The following CMIP variants were observed in gnomAD, a reference collection of about 807,000 sequenced individuals.
The protein encoded by CMIP is c-Maf inducing protein, also known as C-Maf-inducing protein.
Under a neutral mutation model 97.3 loss-of-function variants are expected in CMIP, and 13 were observed. The ratio of observed to expected loss-of-function variants is 0.13; its 90% CI spans 0.09 to 0.21. CMIP has a LOEUF of 0.21. Ranked by LOEUF, CMIP falls within the 10% of genes least tolerant of loss-of-function variation. The probability of loss-of-function intolerance (pLI) is 1.00; values close to 1 mark genes in which losing one functional copy is unlikely to be tolerated. For synonymous variants in CMIP, 538 were observed against 436.3 expected, an observed-to-expected ratio of 1.23 and a Z score of -2.91; for missense variants, 847 against 1,024.9, an observed-to-expected ratio of 0.83 and a Z score of 2.37.
chr16:81,646,120 ATGGATGGGTGGGTGGG>A, intron 3 of CMIP, among the ~76,000 whole-genome samples: 3 of 144,688 alleles, frequency 2.1e-5, no homozygotes, highest in Admixed American at 2.0e-4. Flanking sequence ...TGGGTGAAGG[ATGGATGGGTGGGTGGG>A]TGGATAGTTG....
intron 1 of CMIP, among the ~76,000 whole-genome samples, chr16:81,488,788 A>G (rs2089360988): frequency 1.3e-5 from 2 of 152,166 alleles, no homozygotes; most frequent in Non-Finnish European, 2.9e-5. Flanking sequence ...GCTGTTCTGC[A>G]GGCCCAGTGT....
intron 2 of CMIP, among the ~76,000 whole-genome samples, chr16:81,615,683 G>A (rs945071637): frequency 2.0e-5 from 3 of 149,800 alleles, no homozygotes; most frequent in Non-Finnish European, 4.5e-5. Context: ...TGTGTGTGTG[G>A]TGTATGTGTC....
At chr16:81,641,175 C>T (rs866672846) in intron 3 of CMIP, among the ~76,000 whole-genome samples, 5 of 152,138 alleles carry the variant, frequency 3.3e-5, no homozygotes, top group African/African-American at 1.2e-4. Flanking sequence ...CCTGTGCACA[C>T]GAATGAGAGT....
chr16:81,491,778 G>T (rs2089409830), intron 1 of CMIP, among the ~76,000 whole-genome samples: 2 of 152,182 alleles, frequency 1.3e-5, no homozygotes, highest in Non-Finnish European at 2.9e-5. Context: ...AGGATTGCTT[G>T]TATCGATTTT....
intron 1 of CMIP, among the ~76,000 whole-genome samples, chr16:81,549,470 C>A (rs943430964): frequency 6.6e-6 from 1 of 152,068 alleles, no homozygotes; most frequent in Non-Finnish European, 1.5e-5. Context: ...CCTTGCTAGC[C>A]CTGGAGTGCT....
intron 1 of CMIP, among the ~76,000 whole-genome samples, chr16:81,604,966 A>G (rs2091717927): frequency 6.6e-6 from 1 of 152,212 alleles, no homozygotes; most frequent in African/African-American, 2.4e-5. Context: ...CCATTTAGGC[A>G]TATGAAACAG....
chr16:81,645,325 A>G, intron 3 of CMIP: 1 of 1,345,866 alleles, frequency 7.4e-7, no homozygotes, highest in Non-Finnish European at 9.7e-7. Context: ...TCCTCTCTTC[A>G]CGACAGGTGG....
At chr16:81,633,921 T>C (rs1473630103) in intron 3 of CMIP, among the ~76,000 whole-genome samples, 2 of 152,238 alleles carry the variant, frequency 1.3e-5, no homozygotes, top group Non-Finnish European at 2.9e-5. Flanking sequence ...CTGTTGACTT[T>C]TGAGACTTTT....
chr16:81,642,624 C>T (rs907108907), intron 3 of CMIP, among the ~76,000 whole-genome samples: 3 of 152,228 alleles, frequency 2.0e-5, no homozygotes, highest in African/African-American at 4.8e-5. Flanking sequence ...CCCAAGAGTT[C>T]ATCAGCGGAT....
intron 3 of CMIP, among the ~76,000 whole-genome samples, chr16:81,640,112 G>A (rs1010391466): frequency 6.6e-6 from 1 of 152,118 alleles, no homozygotes; most frequent in African/African-American, 2.4e-5. Flanking sequence ...TAGCCTCCTG[G>A]GTCCCCAGGT....
intron 6 of CMIP, among the ~76,000 whole-genome samples, chr16:81,661,761 TC>T (rs1352803120): frequency 2.1e-5 from 3 of 144,324 alleles, no homozygotes; most frequent in African/African-American, 7.5e-5. Flanking sequence ...CCCCCACCCC[TC>T]ACCCCAGGGA....
intron 1 of CMIP, among the ~76,000 whole-genome samples, chr16:81,495,146 G>A (rs928381673): frequency 1.3e-5 from 2 of 152,202 alleles, no homozygotes; most frequent in East Asian, 3.8e-4. Flanking sequence ...TTGCATATGT[G>A]AATTAATGAC....
intron 8 of CMIP, 142 bp from the exon 9 acceptor site, chr16:81,671,824 G>A: frequency 1.8e-6 from 1 of 568,304 alleles, no homozygotes; most frequent in Non-Finnish European, 3.2e-6. Context: ...CAATTGCACA[G>A]TGAAGGCTCT....
At chr16:81,561,749 G>C (rs1274913060) in intron 1 of CMIP, among the ~76,000 whole-genome samples, 1 of 152,204 alleles carries the variant, frequency 6.6e-6, no homozygotes, top group African/African-American at 2.4e-5. Flanking sequence ...CAGTCTAGTA[G>C]CCACTGGGCA....
At chr16:81,593,489 G>C (rs116361395) in intron 1 of CMIP, among the ~76,000 whole-genome samples, 2,570 of 152,266 alleles carry the variant, frequency 0.017, 67 homozygotes, top group African/African-American at 0.059. Context: ...CCATCATGTG[G>C]AGCTGGTCGG....
intron 1 of CMIP, among the ~76,000 whole-genome samples, chr16:81,521,610 T>C (rs2090029569): frequency 6.6e-6 from 1 of 152,050 alleles, no homozygotes; most frequent in South Asian, 2.1e-4. Context: ...GCAGGTCGAG[T>C]CTGTGCGGAG....
In CMIP at chr16:81,614,065, T is replaced by A. The variant is rs1016395560; in HGVS notation, c.426+6373T>A. 3.3e-5 allele frequency among the ~76,000 whole-genome samples: 5 copies of A among 152,022 alleles called. No individual in the cohort carries two copies. Among genetic ancestry groups the A allele is most frequent in the African/African-American group, 1.2e-4 (5 of 41,476 alleles). ...GTTAGGCGAGGCATTCTGGCCTGGT[T>A]TGGTTGGGGATGGGGAGGGGAAGGC... On this transcript the variant is annotated intron_variant, in intron 2 of 20. Coordinates refer to ENST00000537098, the MANE Select transcript of CMIP (RefSeq NM_198390.3). The surrounding 1 kb of genome is among the most constrained non-coding windows in gnomAD (Gnocchi z 5.3).
At chr16:81,701,165 C>T (rs1271030156) in intron 15 of CMIP, among the ~76,000 whole-genome samples, 1 of 151,064 alleles carries the variant, frequency 6.6e-6, no homozygotes, top group African/African-American at 2.4e-5. Flanking sequence ...AGAGGCAGGG[C>T]TGTCAGGCGT....
intron 6 of CMIP, among the ~76,000 whole-genome samples, chr16:81,661,297 C>T (rs1357814525): frequency 6.6e-6 from 1 of 152,200 alleles, no homozygotes; most frequent in African/African-American, 2.4e-5. Context: ...CGGTGGGGTG[C>T]GGCTGTGGGG....
Sources: allele counts gnomAD v4.1 joint callset (sites outside exome capture counted in the v4.1 genomes callset), GRCh38; gene constraint gnomAD v4.1.1; non-coding constraint Gnocchi (gnomAD v3.1); transcripts MANE v1.5; gene names NCBI Gene and HGNC (gene_info 2026-07-23, HGNC 2026-07-21).